The following SMC1B variants were observed in gnomAD, a reference collection of about 807,000 sequenced individuals.
SMC1B encodes the protein structural maintenance of chromosomes 1B, also known as structural maintenance of chromosomes protein 1B.
SMC1B carries 60 observed loss-of-function variants against 157.9 expected under a neutral mutation model. The ratio of observed to expected loss-of-function variants is 0.38; its 90% confidence interval spans 0.31 to 0.47. The LOEUF is 0.47. SMC1B is among the 20% of genes least tolerant of loss of function. The pLI, the probability that SMC1B is intolerant of heterozygous loss-of-function variation, is 0.99. For missense variants in SMC1B, 1,165 were observed against 1,426.2 expected, an observed-to-expected ratio of 0.82 and a Z score of 2.95; for synonymous variants, 445 against 483.0, an observed-to-expected ratio of 0.92 and a Z score of 1.03.
intron 12 of SMC1B, among the ~76,000 whole-genome samples, chr22:45,376,754 C>T (rs986976415): frequency 4.6e-5 from 7 of 151,798 alleles, no homozygotes; most frequent in African/African-American, 1.5e-4. Context: ...TAGACTGATG[C>T]CATGACTCAA....
intron 22 of SMC1B, among the ~76,000 whole-genome samples, chr22:45,350,141 G>A (rs1317210673): frequency 6.6e-6 from 1 of 152,042 alleles, no homozygotes; most frequent in Non-Finnish European, 1.5e-5. Context: ...AGGGCTCTGT[G>A]CTTATCTAAT....
chr22:45,349,696 C>T, intron 23 of SMC1B, 32 bp downstream of exon 23: 1 of 1,558,600 alleles, frequency 6.4e-7, no homozygotes, highest in Non-Finnish European at 8.8e-7. Flanking sequence ...GAATTGTAGA[C>T]AGTCTATTGA....
chr22:45,412,498 C>CTTTTTTTTT (rs56894434), intron 1 of SMC1B, among the ~76,000 whole-genome samples: 1 of 65,414 alleles, frequency 1.5e-5, no homozygotes, highest in Non-Finnish European at 2.7e-5. Context: ...CGCGCCCAGC[C>CTTTTTTTTT]TTTTTTTTTT....
rs35971057 is a variant in SMC1B at position 45,374,090 on chromosome 22, GTTTT to G, written c.2059-1802_2059-1799del. ...AAAGAAAGTTATAAAAACAAAGACG[GTTTT>G]TTTTTTTTTTTTTTTTTTTGGTAAG... On this transcript the variant is annotated intron_variant, in intron 12 of 24. Transcript: ENST00000357450. Among the ~76,000 whole-genome samples, 720 of 85,498 alleles carry G rather than the reference GTTTT, an allele frequency of 8.4e-3. 3 individuals carry two copies. The highest frequency in any genetic ancestry group is 0.013 in the South Asian group (27 of 2,124). The allele number at this position is 85,498 out of a possible 152,430, so 56.1% of individuals were successfully genotyped here.
chr22:45,388,986 C>CAAAAAAAAAAAAAAAAAAAAA (rs371475132), intron 10 of SMC1B, among the ~76,000 whole-genome samples: 2 of 54,468 alleles, frequency 3.7e-5, no homozygotes, highest in Admixed American at 2.7e-4. Context: ...GACTCTGCCT[C>CAAAAAAAAAAAAAAAAAAAAA]AAAAAAAAAA....
chr22:45,349,303 C>T (rs895515140), intron 23 of SMC1B, among the ~76,000 whole-genome samples: 2 of 151,542 alleles, frequency 1.3e-5, no homozygotes, highest in African/African-American at 4.9e-5. Flanking sequence ...GCGTGAGCCA[C>T]GGGTGCCTGG....
intron 23 of SMC1B, among the ~76,000 whole-genome samples, chr22:45,346,314 A>C (rs1213645065): frequency 2.0e-5 from 3 of 152,222 alleles, no homozygotes; most frequent in Non-Finnish European, 2.9e-5. Context: ...TCCATAATCA[A>C]GTCATTTGGT....
At position 45,363,291 on chromosome 22, in the gene SMC1B, C is replaced by A. The variant is rs186110595; in HGVS notation, c.2421-265G>T. Among the ~76,000 whole-genome samples the A allele has an allele frequency of 1.9e-3, 292 of 152,264 alleles. 2 individuals carry two copies. The highest frequency in any genetic ancestry group is 6.7e-3 in the African/African-American group (279 of 41,558). On this transcript the variant is annotated intron_variant, in intron 15 of 24. Coordinates refer to ENST00000357450, the MANE Select transcript of SMC1B (RefSeq NM_148674.5). ...CACCTGTAAGTATTTTTGTATGTATCTCTAGAAGTGAAATGACTTTTAACT... is the reference window on the plus strand; with the variant it reads ...CACCTGTAAGTATTTTTGTATGTATATCTAGAAGTGAAATGACTTTTAACT...
At chr22:45,394,895 A>G (rs1253040922) in intron 7 of SMC1B, 128 bp from the exon 8 acceptor site, 3 of 1,104,468 alleles carry the variant, frequency 2.7e-6, no homozygotes, top group Non-Finnish European at 3.5e-6. Flanking sequence ...ATTATATGAA[A>G]ACACTTATCA....
chr22:45,383,421 C>A, intron 12 of SMC1B, 46 bp downstream of exon 12: 1 of 1,437,938 alleles, frequency 7.0e-7, no homozygotes, highest in Non-Finnish European at 9.2e-7. Flanking sequence ...TTTAAAAACA[C>A]AATTATTCTA....
chr22:45,361,904 G>C lies in SMC1B; in HGVS notation c.2643C>G (p.Asn881Lys), dbSNP rs1167987684. The C allele has an allele frequency of 1.9e-6, 3 of 1,614,018 alleles. No individual in the cohort carries two copies. The African/African-American group carries it at 4.0e-5, about 22-fold the overall frequency. The change falls in exon 17 of 25, where the codon AAC becomes AAG. Residue 881 changes from asparagine (N) to lysine (K), a missense_variant. Transcript: ENST00000357450. ...GAGTTTGAACTTTCTCGGCACTGGA[G>C]TTCTGAGTGACACGTATGTCCTTAA... ...QQLKDIRVTQ[N>K]SSAEKVQTQI...
At chr22:45,378,420 C>T (rs906495000) in intron 12 of SMC1B, among the ~76,000 whole-genome samples, 1 of 152,100 alleles carries the variant, frequency 6.6e-6, no homozygotes, top group Non-Finnish European at 1.5e-5. Context: ...AAATGTTTAA[C>T]AGATATTTTT....
At chr22:45,396,582 T>C in intron 6 of SMC1B, 96 bp from the exon 7 acceptor site, 1 of 1,019,978 alleles carries the variant, frequency 9.8e-7, no homozygotes, top group Non-Finnish European at 1.4e-6. Flanking sequence ...TAATTAATCT[T>C]CCCAAAAGCT....
chr22:45,344,666 G>T lies in SMC1B; in HGVS notation c.3607-9C>A, dbSNP rs758562197. On this transcript the variant is annotated splice_polypyrimidine_tract_variant and intron_variant, in intron 24 of 24. Coordinates refer to ENST00000357450, the MANE Select transcript of SMC1B (RefSeq NM_148674.5). Reference sequence around the variant, plus strand: ...AACATGCAGTCATCGTACTAAAATGGAGAGAAGACAGTTAAAAGTTCCCCT... The same window carrying T: ...AACATGCAGTCATCGTACTAAAATGTAGAGAAGACAGTTAAAAGTTCCCCT... 3 of 1,601,898 alleles carry T rather than the reference G, an allele frequency of 1.9e-6. No homozygotes were observed. Among genetic ancestry groups the T allele is most frequent in the East Asian group, 4.5e-5 (2 of 44,824 alleles).
chr22:45,386,033 C>T (rs2086986083), intron 11 of SMC1B, among the ~76,000 whole-genome samples: 1 of 151,936 alleles, frequency 6.6e-6, no homozygotes, highest in African/African-American at 2.4e-5. Flanking sequence ...ATTTGCCAGG[C>T]ACTATAATAG....
intron 23 of SMC1B, among the ~76,000 whole-genome samples, chr22:45,348,254 A>G (rs965935744): frequency 2.6e-5 from 4 of 152,194 alleles, no homozygotes; most frequent in Admixed American, 2.6e-4. Context: ...ATACATTTTG[A>G]TAGAACTGGG....
intron 12 of SMC1B, among the ~76,000 whole-genome samples, chr22:45,372,932 C>T (rs2086849205): frequency 6.6e-6 from 1 of 152,096 alleles, no homozygotes; most frequent in African/African-American, 2.4e-5. Context: ...CCAGGATCAT[C>T]TCGATCTCCT....
intron 13 of SMC1B, 72 bp from the exon 14 acceptor site, chr22:45,371,659 A>C: frequency 6.7e-7 from 1 of 1,499,050 alleles, no homozygotes; most frequent in Non-Finnish European, 8.9e-7. Flanking sequence ...AAAATGTGAT[A>C]GGTATCTTTT....
intron 24 of SMC1B, 59 bp from the exon 25 acceptor site, chr22:45,344,716 G>T: frequency 8.5e-7 from 1 of 1,182,914 alleles, no homozygotes; most frequent in Non-Finnish European, 1.3e-6. Flanking sequence ...TATTATTAAA[G>T]TAAGAGCCAT....
Sources: gnomAD v4.1 joint callset for allele counts (sites outside exome capture counted in the v4.1 genomes callset) on GRCh38, gnomAD v4.1.1 for gene constraint, MANE v1.5 for transcripts, NCBI Gene and HGNC (gene_info 2026-07-23, HGNC 2026-07-21) for gene names.